MAK: variants seen among roughly 807,000 people sequenced by gnomAD.
MAK encodes the protein serine/threonine-protein kinase MAK.
MAK carries 65 observed loss-of-function variants against 82.6 expected under a neutral mutation model. That is an observed-to-expected ratio of 0.79 (90% CI 0.64 to 0.97). The LOEUF (loss-of-function observed/expected upper bound fraction) is 0.97. Ranked by LOEUF, MAK falls within the 50% of genes least tolerant of loss-of-function variation. MAK has a pLI of 0.00. For synonymous variants in MAK, 250 were observed against 274.2 expected (o/e 0.91, Z 0.87); for missense variants, 703 against 780.2 (o/e 0.90, Z 1.18).
intron 4 of MAK, among the ~76,000 whole-genome samples, chr6:10,815,705 T>TC (rs1342161986): frequency 3.3e-5 from 5 of 151,664 alleles, no homozygotes; most frequent in African/African-American, 1.2e-4. Flanking sequence ...CAAGCAATCC[T>TC]CCCGCCTTGG....
At chr6:10,831,571 C>T (rs1778811313) in intron 1 of MAK, among the ~76,000 whole-genome samples, 2 of 152,020 alleles carry the variant, frequency 1.3e-5, no homozygotes, top group South Asian at 4.1e-4. Flanking sequence ...GGCACCATAT[C>T]ATGCCCTTCT....
rs769006848 is a variant in MAK at position 10,764,139 on chromosome 6, G to GT, written c.*312dup. The stretch of plus-strand genomic sequence containing the variant: ...ACACTCTAAACATTTTCTGGAAGTT[G>GT]TTTTTTTTTAAGGGTTCTTATTGGA... On this transcript the variant is annotated 3_prime_UTR_variant, in exon 15 of 15. Coordinates refer to ENST00000354489, the MANE Select transcript of MAK (RefSeq NM_001242957.3). 7.0e-3 allele frequency: 1,812 copies of GT among 258,468 alleles called. No homozygotes were observed. Among genetic ancestry groups the GT allele is most frequent in the Middle Eastern group, 0.015 (11 of 744 alleles). The allele number at this position is 258,468 out of a possible 1,614,324, so 16.0% of individuals were successfully genotyped here.
chr6:10,783,581 C>T (rs1221507292), intron 11 of MAK, among the ~76,000 whole-genome samples: 1 of 152,210 alleles, frequency 6.6e-6, no homozygotes, highest in African/African-American at 2.4e-5. Context: ...GTTTTGCCCA[C>T]TTGTACCTCT....
At chr6:10,836,180 G>A (rs189351262) in intron 1 of MAK, among the ~76,000 whole-genome samples, 2 of 152,178 alleles carry the variant, frequency 1.3e-5, no homozygotes, top group African/African-American at 4.8e-5. Context: ...TTCTGTTTGA[G>A]GGGTGGAGTG....
At chr6:10,775,300 A>G (rs1170941573) in intron 12 of MAK, 28 bp downstream of exon 12, 1 of 1,610,076 alleles carries the variant, frequency 6.2e-7, no homozygotes, top group Admixed American at 1.7e-5. Flanking sequence ...AAAACCCCGT[A>G]CATGTACATT....
At position 10,791,820 on chromosome 6, in the gene MAK, T is replaced by C. The variant is rs1342658202; in HGVS notation, c.1171A>G (p.Ser391Gly). The C allele has an allele frequency of 1.2e-6, 2 of 1,614,150 alleles. No individual in the cohort carries two copies. Among genetic ancestry groups the C allele is most frequent in the African/African-American group, 2.7e-5 (2 of 75,062 alleles). Residue 391 changes from serine (S) to glycine (G), a missense_variant, in exon 10 of 15, where the codon AGT (serine) becomes GGT (glycine). Transcript: ENST00000354489. ...GTCTGACCCCAACGCCTCCTACCAC[T>C]TTTATGACTCAGTGTGCCATTTGGC... Reference protein sequence around the residue: ...TKPNGTLSHKSGRRRWGQTIF... With the variant: ...TKPNGTLSHKGGRRRWGQTIF...
Position 10,770,243 on chromosome 6 carries a change from C to A in MAK, c.1673-13G>T. 1.9e-6 allele frequency: 3 copies of A among 1,613,594 alleles called. No individual in the cohort carries two copies. The highest frequency in any genetic ancestry group is 2.2e-5 in the East Asian group (1 of 44,860). On this transcript the variant is annotated splice_polypyrimidine_tract_variant and intron_variant, in intron 13 of 14. Transcript: ENST00000354489. ...CTTCCAAGATTTCCTAGTGACATATCATAAAGTTTCACAGTCAGAAGGTGA... is the reference window on the plus strand; with the variant it reads ...CTTCCAAGATTTCCTAGTGACATATAATAAAGTTTCACAGTCAGAAGGTGA...
At chr6:10,787,492 A>G (rs1292606458) in intron 10 of MAK, among the ~76,000 whole-genome samples, 1 of 152,200 alleles carries the variant, frequency 6.6e-6, no homozygotes, top group African/African-American at 2.4e-5. Flanking sequence ...TATATTAATA[A>G]TAATGATGAT....
intron 13 of MAK, among the ~76,000 whole-genome samples, chr6:10,771,191 C>T (rs567217932): frequency 1.3e-3 from 192 of 151,922 alleles, no homozygotes; most frequent in African/African-American, 4.4e-3. Context: ...AGAGGCACTG[C>T]GAATGTGCAG....
At chr6:10,831,690 G>A (rs1040052337) in intron 1 of MAK, among the ~76,000 whole-genome samples, 3 of 152,098 alleles carry the variant, frequency 2.0e-5, no homozygotes, top group Admixed American at 6.5e-5. Context: ...AGGTTACAGT[G>A]AGCTATGATC....
chr6:10,796,055 C>G lies in MAK; in HGVS notation c.1086G>C (p.Gln362His). The stretch of plus-strand genomic sequence containing the variant: ...GCGTTTGTGGCGGTTTCTCCTGACT[C>G]TGTTGCTTTGGAGGTTGCTGGACGC... ...NLSVQQPPKQ[Q>H]SQEKPPQTLF... Residue 362 changes from glutamine to histidine, a missense_variant, in exon 9 of 15, where the codon CAG becomes CAC. Coordinates refer to ENST00000354489, the MANE Select transcript of MAK (RefSeq NM_001242957.3). The G allele has an allele frequency of 1.2e-6, 2 of 1,614,034 alleles. No homozygotes were observed. The highest frequency in any genetic ancestry group is 2.7e-5 in the African/African-American group (2 of 75,002).
chr6:10,822,353 C>T (rs1169124836), intron 2 of MAK, among the ~76,000 whole-genome samples: 1 of 151,358 alleles, frequency 6.6e-6, no homozygotes, highest in Non-Finnish European at 1.5e-5. Flanking sequence ...ACTTGGGAGA[C>T]GGAGGCAGGA....
At chr6:10,789,123 C>T (rs765900769) in intron 10 of MAK, among the ~76,000 whole-genome samples, 13 of 150,356 alleles carry the variant, frequency 8.6e-5, no homozygotes, top group Non-Finnish European at 1.8e-4. Context: ...AATGTGAAGA[C>T]CTGGAAACGG....
chr6:10,764,596 C>G lies in MAK; in HGVS notation c.1803G>C (p.Trp601Cys), dbSNP rs770320899. The G allele has an allele frequency of 6.2e-7, 1 of 1,613,646 alleles. No individual in the cohort carries two copies. The highest frequency in any genetic ancestry group is 8.5e-7 in the Non-Finnish European group (1 of 1,179,794). Residue 601 changes from tryptophan (W) to cysteine (C), a missense_variant, in exon 15 of 15, where the codon TGG becomes TGC. Physicochemically the swap from Trp to Cys is radical, Grantham distance 215. Coordinates refer to ENST00000354489, the MANE Select transcript of MAK (RefSeq NM_001242957.3). ...PLNATASEYT[W>C]NTKTGRGQFS... ...ACTGCCCCCGACCAGTTTTTGTGTT[C>G]CAGGTATATTCTGAAAGAAATCAGA... is the stretch of plus-strand genomic sequence containing the variant.
intron 14 of MAK, among the ~76,000 whole-genome samples, chr6:10,765,521 G>A (rs948350728): frequency 1.4e-5 from 2 of 147,676 alleles, no homozygotes; most frequent in African/African-American, 2.5e-5. Context: ...GTGCAATGGT[G>A]CGATCTCGGC....
At chr6:10,830,124 C>CGTGTGGGTGTGT (rs1778679705) in intron 2 of MAK, among the ~76,000 whole-genome samples, 1 of 141,500 alleles carries the variant, frequency 7.1e-6, no homozygotes, top group Admixed American at 7.1e-5. Flanking sequence ...CCTGTGTGCA[C>CGTGTGGGTGTGT]GTGTGTGTGT....
chr6:10,772,953 G>C, intron 13 of MAK, 81 bp downstream of exon 13: 5 of 943,384 alleles, frequency 5.3e-6, no homozygotes, highest in African/African-American at 1.6e-5. Context: ...TTTTATGTCA[G>C]GATTAGGGGC....
In MAK at chr6:10,793,654, A is replaced by G. The variant is rs1380469707; in HGVS notation, c.1144-1807T>C. On this transcript the variant is annotated intron_variant, in intron 9 of 14. Transcript: ENST00000354489. This position sits in a 1 kb window ranked among gnomAD's most constrained non-coding sequence, Gnocchi z 4.6. ...GTACTTAATCCCAGCTCTGGAACTC[A>G]CCTATATAAAAATGTGTGTGTGGCG... 2.0e-5 allele frequency among the ~76,000 whole-genome samples: 3 copies of G among 151,878 alleles called. No homozygotes were observed. The highest frequency in any genetic ancestry group is 2.9e-5 in the Non-Finnish European group (2 of 67,960).
chr6:10,797,795 T>C, intron 8 of MAK: 1 of 1,265,558 alleles, frequency 7.9e-7, no homozygotes, highest in Non-Finnish European at 1.0e-6. Context: ...AGCTTGGTAC[T>C]TTAAATGGTC....
Sources: gnomAD v4.1 joint callset for allele counts (sites outside exome capture counted in the v4.1 genomes callset) on GRCh38, gnomAD v4.1.1 for gene constraint, Gnocchi (gnomAD v3.1) non-coding constraint, MANE v1.5 for transcripts, NCBI Gene and HGNC (gene_info 2026-07-23, HGNC 2026-07-21) for gene names.